CDKL3: variants seen among roughly 807,000 people sequenced by gnomAD.
The protein encoded by CDKL3 is cyclin-dependent kinase-like 3.
CDKL3 carries 65 observed loss-of-function variants against 69.3 expected under a neutral mutation model. The observed-to-expected ratio is 0.94, with a 90% CI of 0.77 to 1.15. CDKL3 has a LOEUF of 1.15. Ranked by LOEUF, CDKL3 falls within the 50% of genes most tolerant of loss-of-function variation. The pLI is 0.00. For synonymous variants in CDKL3, 202 were observed against 221.6 expected (o/e 0.91, Z 0.79); for missense variants, 652 against 689.2 (o/e 0.95, Z 0.61).
intron 3 of CDKL3, among the ~76,000 whole-genome samples, 157 bp from the exon 4 acceptor site, chr5:134,350,584 G>GT (rs1437532671): frequency 1.3e-5 from 2 of 152,104 alleles, no homozygotes; most frequent in African/African-American, 4.8e-5. Flanking sequence ...ATAGTTATAT[G>GT]TTTTCAATTC....
intron 10 of CDKL3, 100 bp from the exon 11 acceptor site, chr5:134,304,667 TAAC>T (rs1224698458): frequency 5.0e-6 from 4 of 796,430 alleles, no homozygotes; most frequent in Non-Finnish European, 7.4e-6. Flanking sequence ...AAGATAGACA[TAAC>T]AATTAATTTA....
chr5:134,311,250 T>C (rs564254477), intron 7 of CDKL3, among the ~76,000 whole-genome samples: 34 of 152,322 alleles, frequency 2.2e-4, no homozygotes, highest in African/African-American at 7.9e-4. Flanking sequence ...ATGCCTGTAA[T>C]CCCAACACTT....
chr5:134,367,631 C>A (rs533008082), upstream of CDKL3, among the ~76,000 whole-genome samples: 79 of 152,350 alleles, frequency 5.2e-4, 2 homozygotes, highest in African/African-American at 1.6e-3. Flanking sequence ...GCCTCGGCCT[C>A]CCAAAGTGCT....
chr5:134,360,997 C>T (rs555528381), intron 2 of CDKL3, among the ~76,000 whole-genome samples: 7 of 152,256 alleles, frequency 4.6e-5, no homozygotes, highest in African/African-American at 1.7e-4. Context: ...TGTGGGTGAA[C>T]GTTTGCTCCT....
chr5:134,315,716 A>G (rs1770869877), intron 6 of CDKL3, among the ~76,000 whole-genome samples: 1 of 152,172 alleles, frequency 6.6e-6, no homozygotes, highest in African/African-American at 2.4e-5. Flanking sequence ...CATAAATACA[A>G]TTTTAAAAAA....
At chr5:134,288,899 CATAAT>C (rs1764994923) in intron 8 of CDKL3, among the ~76,000 whole-genome samples, 13 of 151,442 alleles carry the variant, frequency 8.6e-5, no homozygotes, top group Admixed American at 8.5e-4. Flanking sequence ...TCTGGACTCT[CATAAT>C]ATGTGACTTT....
At chr5:134,298,924 A>G (rs1392595762) in intron 12 of CDKL3, among the ~76,000 whole-genome samples, 6 of 152,070 alleles carry the variant, frequency 3.9e-5, no homozygotes, top group Admixed American at 2.6e-4. Context: ...CTCAGGCTGG[A>G]GTGCAGTGGC....
downstream of CDKL3, among the ~76,000 whole-genome samples, chr5:134,283,626 C>T (rs10050540): frequency 0.011 from 1,661 of 152,246 alleles, 38 homozygotes; most frequent in African/African-American, 0.038. Context: ...TGTGTGGGTA[C>T]ACAGCCAAAC....
intron 4 of CDKL3, among the ~76,000 whole-genome samples, chr5:134,322,992 A>AC (rs1196729430): frequency 6.6e-6 from 1 of 152,120 alleles, no homozygotes; most frequent in East Asian, 1.9e-4. Context: ...AAAAAAAAAA[A>AC]AATTGATGAG....
chr5:134,346,654 G>A (rs1229159675), intron 4 of CDKL3, among the ~76,000 whole-genome samples: 1 of 151,938 alleles, frequency 6.6e-6, no homozygotes, highest in East Asian at 1.9e-4. Flanking sequence ...GCACCACCAC[G>A]CCTGGCTATT....
At chr5:134,294,572 A>G (rs1276823721), downstream of CDKL3, among the ~76,000 whole-genome samples, 9 of 152,164 alleles carry the variant, frequency 5.9e-5, no homozygotes, top group Admixed American at 5.9e-4. Flanking sequence ...TATTATCTGC[A>G]GATGTCATGA....
At chr5:134,331,413 G>A (rs144792002) in intron 4 of CDKL3, among the ~76,000 whole-genome samples, 247 of 152,064 alleles carry the variant, frequency 1.6e-3, no homozygotes, top group African/African-American at 5.2e-3. Flanking sequence ...CCATCAACTC[G>A]TCATTTACAT....
intron 4 of CDKL3, among the ~76,000 whole-genome samples, chr5:134,335,356 T>C (rs10035827): frequency 0.19 from 29,391 of 151,980 alleles, 4,390 homozygotes; most frequent in African/African-American, 0.41. Context: ...TGAATTTGAT[T>C]CTGTCATTAT....
upstream of CDKL3, chr5:134,370,933 G>C (rs1758323132): frequency 6.4e-6 from 1 of 155,474 alleles, no homozygotes; most frequent in Non-Finnish European, 1.4e-5. Flanking sequence ...CTATACCTGT[G>C]ATAAACAGAA....
chr5:134,287,529 T>A (rs943155082), intron 8 of CDKL3, among the ~76,000 whole-genome samples: 4 of 152,160 alleles, frequency 2.6e-5, no homozygotes, highest in Admixed American at 2.6e-4. Flanking sequence ...AGACTCCCAA[T>A]CATCACATGG....
chr5:134,358,543 T>C (rs1485408067), intron 3 of CDKL3, among the ~76,000 whole-genome samples: 9 of 152,092 alleles, frequency 5.9e-5, no homozygotes, highest in Non-Finnish European at 1.0e-4. Flanking sequence ...TTTTTTCTTT[T>C]CTTTCCTTAA....
intron 3 of CDKL3, among the ~76,000 whole-genome samples, chr5:134,351,129 T>TA (rs1288413067): frequency 2.0e-5 from 3 of 152,142 alleles, no homozygotes; most frequent in Non-Finnish European, 4.4e-5. Context: ...TTTCATAGCA[T>TA]AAAAAAATGC....
chr5:134,317,401 G>C (rs1159640273), intron 6 of CDKL3, among the ~76,000 whole-genome samples: 1 of 152,052 alleles, frequency 6.6e-6, no homozygotes, highest in African/African-American at 2.4e-5. Flanking sequence ...TGATCCACCC[G>C]CCTCAGCCTC....
intron 6 of CDKL3, among the ~76,000 whole-genome samples, chr5:134,313,877 C>T (rs867280346): frequency 6.6e-6 from 1 of 151,898 alleles, no homozygotes; most frequent in Non-Finnish European, 1.5e-5. Flanking sequence ...GTGGCTCATG[C>T]GTGTAATCCC....
Sources: allele counts gnomAD v4.1 joint callset (sites outside exome capture counted in the v4.1 genomes callset), GRCh38; gene constraint gnomAD v4.1.1; transcripts MANE v1.5; gene names NCBI Gene and HGNC (gene_info 2026-07-23, HGNC 2026-07-21).